Variants in ANKRD26 observed in about 807,000 individuals in gnomAD.
ANKRD26 encodes the protein ankyrin repeat domain-containing protein 26.
A neutral mutation model predicts 208.7 loss-of-function variants in ANKRD26; 141 were observed. That is an observed-to-expected ratio of 0.68 (90% CI 0.59 to 0.78). The LOEUF (loss-of-function observed/expected upper bound fraction) is 0.78. ANKRD26 is among the 30% of genes least tolerant of loss of function. The pLI is 0.00. For synonymous variants in ANKRD26, 636 were observed against 660.4 expected, an observed-to-expected ratio of 0.96 and a Z score of 0.57; for missense variants, 1,889 against 1,938.7, an observed-to-expected ratio of 0.97 and a Z score of 0.48.
In ANKRD26 at chr10:27,033,246, T is replaced by C. The variant is rs764238308; in HGVS notation, c.3786A>G (p.Lys1262=). 1 of 1,611,690 alleles carries C rather than the reference T, an allele frequency of 6.2e-7. No individual in the cohort carries two copies. Among genetic ancestry groups the C allele is most frequent in the East Asian group, 2.2e-5 (1 of 44,742 alleles). ...LEDETQDLKK[K]LGQIRNQLQE... is the part of the protein sequence containing the mutation. ...ATACTTGATTTCTGATTTGACCTAATTTCTTCTTTAAATCCTGTGTCTCAT... is the reference window on the plus strand; with the variant it reads ...ATACTTGATTTCTGATTTGACCTAACTTCTTCTTTAAATCCTGTGTCTCAT... Residue 1262 remains lysine, a synonymous_variant, in exon 25 of 34, where the codon AAA becomes AAG. Coordinates refer to ENST00000376087, the MANE Select transcript of ANKRD26 (RefSeq NM_014915.3).
chr10:27,000,661 A>G (rs1029873659), downstream of ANKRD26, among the ~76,000 whole-genome samples: 5 of 152,224 alleles, frequency 3.3e-5, no homozygotes, highest in African/African-American at 1.2e-4. Context: ...GTATCAAATA[A>G]CTGGGAATAA....
At chr10:26,976,918 G>C (rs937406004) in intron 5 of ANKRD26, among the ~76,000 whole-genome samples, 1 of 152,102 alleles carries the variant, frequency 6.6e-6, no homozygotes, top group African/African-American at 2.4e-5. Flanking sequence ...TATTTTCAGA[G>C]GACTACGAAC....
At chr10:27,047,716 CTACTACTAATAA>C (rs2054500500) in intron 17 of ANKRD26, among the ~76,000 whole-genome samples, 1 of 96,998 alleles carries the variant, frequency 1.0e-5, no homozygotes, top group Admixed American at 1.0e-4. Context: ...ACTACTACTA[CTACTACTAATAA>C]TAATAATAAT....
rs1589393739 is a variant in ANKRD26 at position 27,100,442 on chromosome 10, G to A, written c.-116C>T. ...GCCGCAGCCTCCCAAAGGAAACTCC[G>A]CGGTTTCCAATCTCTCCCTCCGGGT... is the stretch of plus-strand genomic sequence containing the variant. On this transcript the variant is annotated 5_prime_UTR_variant, in exon 1 of 34. Coordinates refer to ENST00000376087, the MANE Select transcript of ANKRD26 (RefSeq NM_014915.3). The A allele has an allele frequency of 2.0e-6, 3 of 1,472,862 alleles. No individual in the cohort carries two copies. The highest frequency in any genetic ancestry group is 2.7e-6 in the Non-Finnish European group (3 of 1,103,234). The allele number at this position is 1,472,862 out of a possible 1,614,324, so 91.2% of individuals were successfully genotyped here. A position where few individuals can be genotyped will look rare whatever the true frequency, so the allele number is the denominator to read the frequency against.
chr10:27,033,124 G>A, intron 25 of ANKRD26, 101 bp downstream of exon 25: 1 of 725,566 alleles, frequency 1.4e-6, no homozygotes, highest in South Asian at 3.1e-5. Flanking sequence ...TAATTATAAT[G>A]AAAACACAAA....
At chr10:26,997,536 G>GC (rs2052620240) in intron 4 of ANKRD26, among the ~76,000 whole-genome samples, 1 of 152,134 alleles carries the variant, frequency 6.6e-6, no homozygotes, top group South Asian at 2.1e-4. Context: ...GTAGTAACAG[G>GC]CTGAGGGAAG....
chr10:27,086,527 T>C lies in ANKRD26; in HGVS notation c.709+12A>G. The C allele has an allele frequency of 6.2e-7, 1 of 1,605,066 alleles. No individual in the cohort carries two copies. The highest frequency in any genetic ancestry group is 8.5e-7 in the Non-Finnish European group (1 of 1,174,770). ...ACTATTACCAAGAGAAATTCACTATTGGAAGTCTTACCTGAATTACTATTT... is the reference window on the plus strand; with the variant it reads ...ACTATTACCAAGAGAAATTCACTATCGGAAGTCTTACCTGAATTACTATTT... On this transcript the variant is annotated intron_variant, in intron 5 of 33. Coordinates refer to ENST00000376087, the MANE Select transcript of ANKRD26 (RefSeq NM_014915.3).
In ANKRD26 at chr10:27,013,158, A is replaced by C. The variant is rs560882304; in HGVS notation, c.4725-48T>G. 155 of 1,526,612 alleles carry C rather than the reference A, an allele frequency of 1.0e-4. 1 individual carries two copies. The South Asian group carries it at 1.5e-3, about 15-fold the overall frequency. The allele number at this position is 1,526,612 out of a possible 1,614,324, so 94.6% of individuals were successfully genotyped here. A position where few individuals can be genotyped will look rare whatever the true frequency, so the allele number is the denominator to read the frequency against. ...ATGCTTAGTATTTTACTTTTCCCTA[A>C]ATGATTCCTAAAAGACTTGCAATTT... On this transcript the variant is annotated intron_variant, in intron 31 of 33. Coordinates refer to ENST00000376087, the MANE Select transcript of ANKRD26 (RefSeq NM_014915.3).
chr10:26,949,659 C>T, the ANKRD26 span, among the ~76,000 whole-genome samples: 1 of 152,202 alleles, frequency 6.6e-6, no homozygotes, highest in Non-Finnish European at 1.5e-5. Context: ...TGCCTGCCAC[C>T]ACGCCTGGCT....
intron 12 of ANKRD26, among the ~76,000 whole-genome samples, chr10:27,063,770 T>G (rs2055146664): frequency 6.6e-6 from 1 of 152,222 alleles, no homozygotes; most frequent in Admixed American, 6.5e-5. Context: ...TCTTAATGTA[T>G]TTTGAAATGG....
At chr10:27,079,009 A>C (rs1251486615) in intron 7 of ANKRD26, 80 bp downstream of exon 7, 2 of 1,196,522 alleles carry the variant, frequency 1.7e-6, no homozygotes, top group African/African-American at 3.0e-5. Context: ...TGATAAGTAG[A>C]CCACTGCAAA....
chr10:26,976,268 G>A (rs762290687), intron 5 of ANKRD26, among the ~76,000 whole-genome samples: 2 of 151,940 alleles, frequency 1.3e-5, no homozygotes, highest in Admixed American at 6.6e-5. Flanking sequence ...AGGCTAGAGT[G>A]CAGTGGGGTG....
rs766453980 is a variant in ANKRD26 at position 27,043,521 on chromosome 10, T to A, written c.2066A>T (p.Gln689Leu). 3 of 1,613,832 alleles carry A rather than the reference T, an allele frequency of 1.9e-6. No individual in the cohort carries two copies. The highest frequency in any genetic ancestry group is 1.1e-5 in the South Asian group (1 of 91,082). Residue 689 changes from glutamine to leucine, a missense_variant, in exon 20 of 34, where the codon CAG becomes CTG. This residue lies in a region of ANKRD26 where 1,272 missense variants were observed against 1,273.8 expected (regional missense o/e 1.00). Coordinates refer to ENST00000376087, the MANE Select transcript of ANKRD26 (RefSeq NM_014915.3). ...QSMDDVDDLT[Q>L]SSETASEDCE... ...ATCCTCTGAGGCTGTTTCAGATGAC[T>A]GAGTTAAGTCATCAACATCATCCAT...
chr10:26,969,121 CCTT>C (rs760757446), downstream of ANKRD26, among the ~76,000 whole-genome samples: 1 of 152,046 alleles, frequency 6.6e-6, no homozygotes, highest in Non-Finnish European at 1.5e-5. Flanking sequence ...AATATATACT[CCTT>C]GAGTCATTGC....
At chr10:26,979,368 T>A (rs1389026514) in intron 5 of ANKRD26, among the ~76,000 whole-genome samples, 6 of 152,150 alleles carry the variant, frequency 3.9e-5, no homozygotes, top group African/African-American at 1.4e-4. Context: ...CTCTGGAAAC[T>A]GAACAAAGAG....
At chr10:27,037,444 C>A (rs755835088) in intron 22 of ANKRD26, 121 bp from the exon 23 acceptor site, 4 of 1,052,182 alleles carry the variant, frequency 3.8e-6, no homozygotes, top group Admixed American at 2.3e-5. Context: ...ATGCAAGAAC[C>A]TTTATTACTC....
At chr10:27,007,342 T>C (rs1231194014) in intron 32 of ANKRD26, among the ~76,000 whole-genome samples, 1 of 152,216 alleles carries the variant, frequency 6.6e-6, no homozygotes, top group Non-Finnish European at 1.5e-5. Flanking sequence ...TTTTTCACTT[T>C]AGTGGATTTT....
chr10:27,078,131 G>A (rs925175074), intron 7 of ANKRD26, among the ~76,000 whole-genome samples: 1 of 152,096 alleles, frequency 6.6e-6, no homozygotes, highest in African/African-American at 2.4e-5. Flanking sequence ...TGAGCATTTT[G>A]TTCTTAGTAT....
At chr10:27,002,364 C>T (rs1197453225), downstream of ANKRD26, among the ~76,000 whole-genome samples, 1 of 152,140 alleles carries the variant, frequency 6.6e-6, no homozygotes, top group Non-Finnish European at 1.5e-5. Flanking sequence ...CAACTGGGGC[C>T]CCATCTGGGT....
Sources: allele counts gnomAD v4.1 joint callset (sites outside exome capture counted in the v4.1 genomes callset), GRCh38; gene constraint gnomAD v4.1.1; regional missense constraint gnomAD v4.1.1; transcripts MANE v1.5; gene names NCBI Gene and HGNC (gene_info 2026-07-23, HGNC 2026-07-21).